Variants in DYNC2H1 observed in about 807,000 individuals in gnomAD.
DYNC2H1 encodes dynein cytoplasmic 2 heavy chain 1.
Under a neutral mutation model 570.0 loss-of-function variants are expected in DYNC2H1, and 410 were observed. That is an observed-to-expected ratio of 0.72 (90% CI 0.66 to 0.78). DYNC2H1 has a LOEUF of 0.78. Among genes scored for constraint, DYNC2H1 ranks in the 30% least tolerant of loss-of-function variants. The pLI, the probability that DYNC2H1 is intolerant of heterozygous loss-of-function variation, is 0.00. For missense variants in DYNC2H1, 4,865 were observed against 5,046.4 expected, an observed-to-expected ratio of 0.96 and a Z score of 1.09; for synonymous variants, 1,688 against 1,677.6, an observed-to-expected ratio of 1.01 and a Z score of -0.15.
intron 84 of DYNC2H1, chr11:103,407,836 T>C (rs1942924530): frequency 6.6e-6 from 1 of 152,002 alleles, no homozygotes; most frequent in East Asian, 1.9e-4. Context: ...AATCAGATTA[T>C]GGCTAGGGGC....
Position 103,117,879 on chromosome 11 carries a change from T to C in DYNC2H1, c.999+16T>C. On this transcript the variant is annotated intron_variant, in intron 6 of 88. Coordinates refer to ENST00000375735, the MANE Select transcript of DYNC2H1 (RefSeq NM_001377.3). Reference sequence around the variant, plus strand: ...CCTTGAAGAGGTATCAATTTGATTATCTAGATCTTTGTCTTTAAATGTAAA... The same window carrying C: ...CCTTGAAGAGGTATCAATTTGATTACCTAGATCTTTGTCTTTAAATGTAAA... 1 of 1,585,978 alleles carries C rather than the reference T, an allele frequency of 6.3e-7. No individual in the cohort carries two copies.
chr11:103,315,313 G>A (rs900341603), intron 79 of DYNC2H1, among the ~76,000 whole-genome samples: 1 of 151,974 alleles, frequency 6.6e-6, no homozygotes, highest in African/African-American at 2.4e-5. Context: ...TTTAATTGAC[G>A]AAAACATGGC....
At chr11:103,211,733 T>G (rs752919848) in intron 53 of DYNC2H1, 56 bp from the exon 54 acceptor site, 8 of 706,480 alleles carry the variant, frequency 1.1e-5, no homozygotes, top group Non-Finnish European at 1.7e-5. Context: ...TATTTTCTCT[T>G]ATTTTTAATG....
At chr11:103,401,397 TAGAAG>T (rs2135651993) in intron 84 of DYNC2H1, among the ~76,000 whole-genome samples, 1 of 152,228 alleles carries the variant, frequency 6.6e-6, no homozygotes, top group South Asian at 2.1e-4. Flanking sequence ...AGATGACATG[TAGAAG>T]AGAAGAGTAA....
intron 50 of DYNC2H1, among the ~76,000 whole-genome samples, chr11:103,202,701 C>T (rs1172824850): frequency 6.6e-6 from 1 of 151,974 alleles, no homozygotes; most frequent in African/African-American, 2.4e-5. Context: ...TATATGAATG[C>T]ATTATTTTGG....
At chr11:103,286,199 T>C (rs2135352521) in intron 73 of DYNC2H1, 56 bp from the exon 74 acceptor site, 9 of 1,581,392 alleles carry the variant, frequency 5.7e-6, no homozygotes, top group Non-Finnish European at 7.7e-6. Flanking sequence ...TAAAAATAAA[T>C]GTATGTGCTT....
intron 82 of DYNC2H1, among the ~76,000 whole-genome samples, chr11:103,340,710 ACT>A (rs1484290706): frequency 6.6e-6 from 1 of 151,606 alleles, no homozygotes; most frequent in Non-Finnish European, 1.5e-5. Flanking sequence ...AGTATATTAA[ACT>A]CTTGGATTGT....
chr11:103,406,220 A>T (rs1237966896), intron 84 of DYNC2H1: 1 of 151,962 alleles, frequency 6.6e-6, no homozygotes, highest in Non-Finnish European at 1.5e-5. Flanking sequence ...TTTCTAAGTT[A>T]TGATTAGTAT....
At chr11:103,459,734 T>C (rs920212403) in intron 87 of DYNC2H1, among the ~76,000 whole-genome samples, 1 of 150,760 alleles carries the variant, frequency 6.6e-6, no homozygotes, top group Non-Finnish European at 1.5e-5. Flanking sequence ...GGGTGGATCA[T>C]GAGGTCAGGA....
chr11:103,355,064 T>C (rs1300928209), intron 82 of DYNC2H1, among the ~76,000 whole-genome samples: 1 of 152,152 alleles, frequency 6.6e-6, no homozygotes, highest in African/African-American at 2.4e-5. Context: ...CTCTTATTTA[T>C]TATTTTATGT....
chr11:103,318,745 C>T (rs1433666269), intron 80 of DYNC2H1, among the ~76,000 whole-genome samples: 1 of 151,982 alleles, frequency 6.6e-6, no homozygotes, highest in East Asian at 1.9e-4. Context: ...TTTTAAAATT[C>T]TACATCAGAA....
intron 75 of DYNC2H1, among the ~76,000 whole-genome samples, chr11:103,300,632 CAA>C (rs1402085364): frequency 3.3e-5 from 5 of 151,830 alleles, no homozygotes; most frequent in Non-Finnish European, 5.9e-5. Flanking sequence ...TTCTCCAACT[CAA>C]AATGTTTTAT....
intron 65 of DYNC2H1, among the ~76,000 whole-genome samples, chr11:103,250,701 C>A (rs1184566606): frequency 6.6e-6 from 1 of 151,952 alleles, no homozygotes; most frequent in Non-Finnish European, 1.5e-5. Context: ...ATAGTCTTTT[C>A]TTTTTTCTAA....
intron 79 of DYNC2H1, among the ~76,000 whole-genome samples, chr11:103,313,324 A>G (rs1279703937): frequency 6.6e-6 from 1 of 152,140 alleles, no homozygotes; most frequent in Non-Finnish European, 1.5e-5. Flanking sequence ...TATCGTCATC[A>G]CAATCAATAA....
chr11:103,370,214 G>A (rs537425880), intron 83 of DYNC2H1, among the ~76,000 whole-genome samples: 2 of 152,366 alleles, frequency 1.3e-5, no homozygotes, highest in Admixed American at 1.3e-4. Context: ...CAGTGGCCAC[G>A]AGTGAGGCTC....
chr11:103,186,727 T>C lies in DYNC2H1; in HGVS notation c.6893+226T>C, dbSNP rs553786847. 3.3e-5 allele frequency among the ~76,000 whole-genome samples: 5 copies of C among 149,488 alleles called. No homozygotes were observed. The South Asian group carries it at 8.5e-4, about 25-fold the overall frequency. ...CTGGAAAGACAGCAATCTGAGAAGA[T>C]ACTCTTAAAAATTATCCGTCCATAT... is the stretch of plus-strand genomic sequence containing the variant. On this transcript the variant is annotated intron_variant, in intron 42 of 88. Transcript: ENST00000375735. The surrounding 1 kb of genome is among the most constrained non-coding windows in gnomAD (Gnocchi z 4.5).
intron 82 of DYNC2H1, among the ~76,000 whole-genome samples, chr11:103,343,054 G>A (rs1939550006): frequency 1.3e-5 from 2 of 152,144 alleles, no homozygotes; most frequent in Non-Finnish European, 2.9e-5. Flanking sequence ...TGGGTATCAG[G>A]CTTTCTGGGA....
At chr11:103,296,729 T>C (rs1226563174) in intron 75 of DYNC2H1, among the ~76,000 whole-genome samples, 2 of 152,100 alleles carry the variant, frequency 1.3e-5, no homozygotes, top group African/African-American at 2.4e-5. Context: ...TTTCACCTTC[T>C]TTTCTGGATC....
chr11:103,468,848 ACTTTATC>A (rs1945277955), intron 88 of DYNC2H1, 143 bp downstream of exon 88: 6 of 600,746 alleles, frequency 1.0e-5, no homozygotes, highest in Non-Finnish European at 1.1e-5. Context: ...AGTCAAAAGT[ACTTTATC>A]CTTTATCATG....
Sources: allele counts gnomAD v4.1 joint callset (sites outside exome capture counted in the v4.1 genomes callset), GRCh38; gene constraint gnomAD v4.1.1; non-coding constraint Gnocchi (gnomAD v3.1); transcripts MANE v1.5; gene names NCBI Gene and HGNC (gene_info 2026-07-23, HGNC 2026-07-21).